Variants in SLC2A3 observed in about 807,000 individuals in gnomAD.
SLC2A3 encodes solute carrier family 2 member 3.
Under a neutral mutation model 46.4 loss-of-function variants are expected in SLC2A3, and 21 were observed. The observed-to-expected ratio is 0.45, with a 90% CI of 0.32 to 0.65. SLC2A3 has a LOEUF of 0.65. SLC2A3 is among the 30% of genes least tolerant of loss of function. SLC2A3 has a pLI of 0.04. For synonymous variants in SLC2A3, 213 were observed against 239.4 expected (o/e 0.89, Z 1.02); for missense variants, 499 against 623.3 (o/e 0.80, Z 2.12).
intron 1 of SLC2A3, among the ~76,000 whole-genome samples, chr12:7,934,869 GCT>G (rs1946196889): frequency 6.6e-6 from 1 of 152,180 alleles, no homozygotes; most frequent in African/African-American, 2.4e-5. Flanking sequence ...CCAGTGCAAT[GCT>G]CTGTTAAATC....
chr12:7,924,377 C>G, intron 8 of SLC2A3, 33 bp downstream of exon 8: 1 of 1,607,886 alleles, frequency 6.2e-7, no homozygotes, highest in Non-Finnish European at 8.5e-7. Context: ...TCTTCTTTCC[C>G]CCTCCCTTTT....
At position 7,925,833 on chromosome 12, in the gene SLC2A3, A is replaced by G; in HGVS notation, c.966+11T>C. ...TTTCTCCCCTCAAAATTACCAAACC[A>G]TCCAACTTACAGAAACTACAGTGAA... On this transcript the variant is annotated intron_variant, in intron 7 of 9. Coordinates refer to ENST00000075120, the MANE Select transcript of SLC2A3 (RefSeq NM_006931.3). The G allele has an allele frequency of 6.2e-7, 1 of 1,602,688 alleles. No homozygotes were observed. Among genetic ancestry groups the G allele is most frequent in the Non-Finnish European group, 8.5e-7 (1 of 1,170,054 alleles).
chr12:7,930,329 C>T lies in SLC2A3; in HGVS notation c.673+151G>A, dbSNP rs761837480. On this transcript the variant is annotated intron_variant, in intron 5 of 9. Transcript: ENST00000075120. ...GCCTTTTCACCTCATTCTTTAGGGGCTGAAAATTTTACTCAGGAGTAATCA... is the reference window on the plus strand; with the variant it reads ...GCCTTTTCACCTCATTCTTTAGGGGTTGAAAATTTTACTCAGGAGTAATCA... The T allele has an allele frequency of 7.4e-5, 60 of 810,102 alleles. No individual in the cohort carries two copies. The African/African-American group carries it at 9.4e-4, about 13-fold the overall frequency. 50.2% of individuals were successfully genotyped at this position (810,102 alleles called of 1,614,324 possible). A position where few individuals can be genotyped will look rare whatever the true frequency, so the allele number is the denominator to read the frequency against.
intron 7 of SLC2A3, 76 bp downstream of exon 7, chr12:7,925,768 G>C: frequency 4.4e-6 from 5 of 1,128,078 alleles, no homozygotes; most frequent in Non-Finnish European, 5.4e-6. Context: ...TGATGGTAGG[G>C]TCATGCAATC....
chr12:7,935,587 CAT>C lies in SLC2A3; in HGVS notation c.15+431_15+432del, dbSNP rs34423173. 5.2e-3 allele frequency among the ~76,000 whole-genome samples: 792 copies of C among 152,286 alleles called. 5 individuals are homozygous for C. Among genetic ancestry groups the C allele is most frequent in the Non-Finnish European group, 7.9e-3 (540 of 68,010 alleles). On this transcript the variant is annotated intron_variant, in intron 1 of 9. Transcript: ENST00000075120. ...CTTTCTCCTTAGCATCCACGAACCC[CAT>C]ATGTTATAGGACAAACAGATGGCCA... is the stretch of plus-strand genomic sequence containing the variant.
rs938639558 is a variant in SLC2A3, at chr12:7,930,764, GTTTCTT to G, written c.511-128_511-123del. ...CCATGTGAAAAAATAAACAAATTGT[GTTTCTT>G]TTCCTTTCTCTACTCAGCATGGTTT... is the stretch of plus-strand genomic sequence containing the variant. On this transcript the variant is annotated intron_variant, in intron 4 of 9. Transcript: ENST00000075120. 1.1e-5 allele frequency: 8 copies of G among 757,812 alleles called. No homozygotes were observed. In the African/African-American group the frequency reaches 1.7e-4, roughly 16 times the overall value. The allele number at this position is 757,812 out of a possible 1,614,324, so 46.9% of individuals were successfully genotyped here. A position where few individuals can be genotyped will look rare whatever the true frequency, so the allele number is the denominator to read the frequency against.
chr12:7,931,729 T>C (rs950509062), intron 3 of SLC2A3, among the ~76,000 whole-genome samples: 4 of 151,956 alleles, frequency 2.6e-5, no homozygotes, highest in Non-Finnish European at 4.4e-5. Context: ...TGAGCTATGA[T>C]TGGGCCATTA....
intron 7 of SLC2A3, chr12:7,925,471 G>A (rs186018043): frequency 1.7e-4 from 32 of 184,558 alleles, no homozygotes. Flanking sequence ...GTCCACTACG[G>A]AACTGATTGC....
chr12:7,923,124 C>T (rs990150613), intron 8 of SLC2A3, 100 bp from the exon 9 acceptor site: 6 of 1,116,984 alleles, frequency 5.4e-6, no homozygotes, highest in Admixed American at 2.7e-5. Flanking sequence ...CTGTCCCTGA[C>T]GTACAATACA....
chr12:7,921,690 A>G, intron 9 of SLC2A3, 59 bp from the exon 10 acceptor site: 2 of 1,525,690 alleles, frequency 1.3e-6, no homozygotes, highest in African/African-American at 1.4e-5. Context: ...TGACAAAGTC[A>G]ATTTCCTTCA....
chr12:7,925,694 A>T, intron 7 of SLC2A3, 150 bp downstream of exon 7: 1 of 640,294 alleles, frequency 1.6e-6, no homozygotes, highest in Non-Finnish European at 2.8e-6. Flanking sequence ...AGTGAAGACT[A>T]CATCCAACAT....
chr12:7,921,558 T>A lies in SLC2A3; in HGVS notation c.1346A>T (p.Lys449Ile). The A allele has an allele frequency of 6.2e-7, 1 of 1,613,898 alleles. No homozygotes were observed. The change falls in exon 10 of 10, where the codon AAA becomes ATA. Residue 449 changes from lysine (K) to isoleucine (I), a missense_variant. Around this residue, in one of 5 missense-constraint regions of SLC2A3, gnomAD observed 179 missense variants for 205.1 expected, o/e 0.87. Coordinates refer to ENST00000075120, the MANE Select transcript of SLC2A3 (RefSeq NM_006931.3). Reference sequence around the variant, plus strand: ...AGTCCTGCCACGGGTCTCAGGGACTTTGAAGAAGGTAAAAGCCAAGAAGGT... The same window carrying A: ...AGTCCTGCCACGGGTCTCAGGGACTATGAAGAAGGTAAAAGCCAAGAAGGT... ...LITFLAFTFF[K>I]VPETRGRTFE...
At chr12:7,933,505 G>T (rs1946180821) in intron 2 of SLC2A3, 1 of 466,182 alleles carries the variant, frequency 2.1e-6, no homozygotes, top group East Asian at 3.8e-5. Flanking sequence ...AGTGAGCTTT[G>T]TGCTTCGATT....
At chr12:7,934,357 G>GCAC in intron 1 of SLC2A3, among the ~76,000 whole-genome samples, 1 of 152,034 alleles carries the variant, frequency 6.6e-6, no homozygotes, top group East Asian at 1.9e-4. Context: ...GGAGGGGGTG[G>GCAC]TAGTTTGTGT....
intron 4 of SLC2A3, 79 bp downstream of exon 4, chr12:7,931,166 C>T: frequency 6.3e-7 from 1 of 1,574,980 alleles, no homozygotes; most frequent in Non-Finnish European, 8.6e-7. Context: ...GCCAGATATT[C>T]TTCAGTGCTT....
At chr12:7,928,783 C>G (rs1213699487) in intron 6 of SLC2A3, among the ~76,000 whole-genome samples, 2 of 151,890 alleles carry the variant, frequency 1.3e-5, no homozygotes, top group African/African-American at 4.8e-5. Flanking sequence ...TGGGATTCAT[C>G]AAAATCACCT....
rs1946185179 is a variant in SLC2A3 at position 7,933,835 on chromosome 12, G to A, written c.83C>T (p.Thr28Ile). 1.9e-6 allele frequency: 3 copies of A among 1,613,980 alleles called. No homozygotes were observed. The highest frequency in any genetic ancestry group is 2.5e-6 in the Non-Finnish European group (3 of 1,179,914). ...TIGSFQFGYN[T>I]GVINAPEKII... ...CTTCTCAGGAGCATTGATGACCCCAGTGTTGTAGCCAAATTGGAAAGAGCC... is the reference window on the plus strand; with the variant it reads ...CTTCTCAGGAGCATTGATGACCCCAATGTTGTAGCCAAATTGGAAAGAGCC... The change falls in exon 2 of 10, where the codon ACT becomes ATT. Residue 28 changes from threonine (T) to isoleucine (I), a missense_variant. By Grantham distance (89) the Thr-to-Ile change is moderately conservative. Around this residue, in one of 5 missense-constraint regions of SLC2A3, gnomAD observed 248 missense variants for 284.0 expected, o/e 0.87. Transcript: ENST00000075120.
Position 7,921,131 on chromosome 12 carries a change from G to C in SLC2A3, c.*282C>G. 1.5e-6 allele frequency: 1 copy of C among 666,378 alleles called. No homozygotes were observed. Among genetic ancestry groups the C allele is most frequent in the Non-Finnish European group, 2.6e-6 (1 of 384,974 alleles). 41.3% of individuals were successfully genotyped at this position (666,378 alleles called of 1,614,324 possible). ...AATATCAGAACCCAAGGGAGGAAAA[G>C]CTGGCAAAGTTGTCATGTGCCAAGC... is the stretch of plus-strand genomic sequence containing the variant. On this transcript the variant is annotated 3_prime_UTR_variant, in exon 10 of 10. Transcript: ENST00000075120.
In SLC2A3 at chr12:7,934,949, C is replaced by T. The variant is rs149235780; in HGVS notation, c.16-1047G>A. On this transcript the variant is annotated intron_variant, in intron 1 of 9. Coordinates refer to ENST00000075120, the MANE Select transcript of SLC2A3 (RefSeq NM_006931.3). ...TCACTATCTTTGAGAGCCTTTTCTTCTTTAGTCTCATAATTTTCCATCCCT... is the reference window on the plus strand; with the variant it reads ...TCACTATCTTTGAGAGCCTTTTCTTTTTTAGTCTCATAATTTTCCATCCCT... 7.0e-3 allele frequency among the ~76,000 whole-genome samples: 1,068 copies of T among 152,226 alleles called. 15 individuals are homozygous for T. Among genetic ancestry groups the T allele is most frequent in the African/African-American group, 0.024 (1,006 of 41,538 alleles).
Sources: allele counts gnomAD v4.1 joint callset (sites outside exome capture counted in the v4.1 genomes callset), GRCh38; gene constraint gnomAD v4.1.1; regional missense constraint gnomAD v4.1.1; transcripts MANE v1.5; gene names NCBI Gene and HGNC (gene_info 2026-07-23, HGNC 2026-07-21).